The following TSPAN12 variants were observed in gnomAD, a reference collection of about 807,000 sequenced individuals.
TSPAN12 encodes the protein tetraspanin 12.
In TSPAN12, 19 loss-of-function variants were observed where a neutral mutation model predicts 39.2. That is an observed-to-expected ratio of 0.49 (90% CI 0.34 to 0.71). The LOEUF is 0.71. Among genes scored for constraint, TSPAN12 ranks in the 30% least tolerant of loss-of-function variants. TSPAN12 has a pLI of 0.01. For missense variants in TSPAN12, 314 were observed against 359.9 expected, an observed-to-expected ratio of 0.87 and a Z score of 1.03; for synonymous variants, 119 against 124.8, an observed-to-expected ratio of 0.95 and a Z score of 0.31.
intron 7 of TSPAN12, among the ~76,000 whole-genome samples, chr7:120,805,706 T>C (rs185761493): frequency 1.3e-5 from 2 of 152,222 alleles, no homozygotes; most frequent in East Asian, 3.9e-4. Context: ...TACATCTGCA[T>C]TGTCCAGGAC....
chr7:120,833,743 T>G (rs1794429466), intron 4 of TSPAN12, among the ~76,000 whole-genome samples: 1 of 152,178 alleles, frequency 6.6e-6, no homozygotes, highest in African/African-American at 2.4e-5. Flanking sequence ...ATGGTGACAT[T>G]CAGCTGTTGT....
At chr7:120,831,931 T>C (rs1431066294) in intron 4 of TSPAN12, among the ~76,000 whole-genome samples, 1 of 152,056 alleles carries the variant, frequency 6.6e-6, no homozygotes, top group Non-Finnish European at 1.5e-5. Context: ...CCCATAAATA[T>C]ATACAATTAT....
intron 2 of TSPAN12, among the ~76,000 whole-genome samples, chr7:120,851,189 C>T (rs1431118382): frequency 6.6e-6 from 1 of 152,112 alleles, no homozygotes; most frequent in African/African-American, 2.4e-5. Context: ...TTCTACTTGC[C>T]AAGGATCTAA....
Position 120,857,856 on chromosome 7 carries a change from G to A in TSPAN12, c.-107C>T, listed in dbSNP as rs1219766623. 6.6e-6 allele frequency: 1 copy of A among 152,140 alleles called. No homozygotes were observed. Among genetic ancestry groups the A allele is most frequent in the African/African-American group, 2.4e-5 (1 of 41,390 alleles). 9.4% of individuals were successfully genotyped at this position (152,140 alleles called of 1,614,324 possible). A position where few individuals can be genotyped will look rare whatever the true frequency, so the allele number is the denominator to read the frequency against. The stretch of plus-strand genomic sequence containing the variant: ...GGCCCGGTGCCCCACGCCCGCCTGG[G>A]GATAGTCGGGGACGCACGGCGGGGG... On this transcript the variant is annotated 5_prime_UTR_variant, in exon 1 of 8. Coordinates refer to ENST00000222747, the MANE Select transcript of TSPAN12 (RefSeq NM_012338.4).
At chr7:120,814,044 G>A in intron 5 of TSPAN12, 1 of 342,770 alleles carries the variant, frequency 2.9e-6, no homozygotes, top group Non-Finnish European at 5.7e-6. Flanking sequence ...TGTCTTCACA[G>A]AGATACATAT....
intron 2 of TSPAN12, among the ~76,000 whole-genome samples, chr7:120,841,083 A>G (rs898855908): frequency 2.6e-5 from 4 of 152,216 alleles, no homozygotes; most frequent in Non-Finnish European, 5.9e-5. Flanking sequence ...GAACCACTGC[A>G]TTAAATGAAA....
chr7:120,857,915 C>G lies in TSPAN12; in HGVS notation c.-166G>C, dbSNP rs892165672. 4 of 152,144 alleles carry G rather than the reference C, an allele frequency of 2.6e-5. No individual in the cohort carries two copies. Among genetic ancestry groups the G allele is most frequent in the Admixed American group, 1.3e-4 (2 of 15,240 alleles). 9.4% of individuals were successfully genotyped at this position (152,144 alleles called of 1,614,324 possible). A position where few individuals can be genotyped will look rare whatever the true frequency, so the allele number is the denominator to read the frequency against. On this transcript the variant is annotated 5_prime_UTR_variant, in exon 1 of 8. Transcript: ENST00000222747. Reference sequence around the variant, plus strand: ...GGCAGGGAACTTCTTCGCGGAGAGCCGGAGGGCTGCATTGGCTTCAGCTGG... The same window carrying G: ...GGCAGGGAACTTCTTCGCGGAGAGCGGGAGGGCTGCATTGGCTTCAGCTGG...
At chr7:120,812,575 G>A (rs998598232) in intron 5 of TSPAN12, among the ~76,000 whole-genome samples, 3 of 152,002 alleles carry the variant, frequency 2.0e-5, no homozygotes, top group Admixed American at 6.6e-5. Flanking sequence ...GAAAATCTTC[G>A]TTTTTTTCTT....
At chr7:120,814,325 C>A in intron 5 of TSPAN12, 2 of 453,170 alleles carry the variant, frequency 4.4e-6, no homozygotes, top group Non-Finnish European at 8.9e-6. Context: ...CACCAGGGAA[C>A]TTGTCACAGA....
At chr7:120,855,043 T>A (rs1170613146) in intron 2 of TSPAN12, among the ~76,000 whole-genome samples, 2 of 152,256 alleles carry the variant, frequency 1.3e-5, no homozygotes, top group Non-Finnish European at 1.5e-5. Flanking sequence ...GGTGCTTTTA[T>A]GCAAATTTCA....
At chr7:120,799,048 GA>G (rs1345017540) in intron 7 of TSPAN12, among the ~76,000 whole-genome samples, 2 of 152,100 alleles carry the variant, frequency 1.3e-5, no homozygotes, top group African/African-American at 4.8e-5. Flanking sequence ...CTGATGTGGG[GA>G]ATCTGTTCTA....
At chr7:120,840,228 C>T in intron 2 of TSPAN12, 119 bp from the exon 3 acceptor site, 2 of 828,492 alleles carry the variant, frequency 2.4e-6, no homozygotes, top group Non-Finnish European at 4.1e-6. Flanking sequence ...CCATTTGCTG[C>T]ATCTTGAAAT....
intron 7 of TSPAN12, among the ~76,000 whole-genome samples, chr7:120,803,520 T>C (rs1458665654): frequency 6.6e-6 from 1 of 152,204 alleles, no homozygotes; most frequent in Non-Finnish European, 1.5e-5. Context: ...GCCATAAAAC[T>C]ACTAAATGAT....
intron 4 of TSPAN12, among the ~76,000 whole-genome samples, chr7:120,816,987 A>C (rs920237046): frequency 2.0e-5 from 3 of 152,300 alleles, no homozygotes; most frequent in South Asian, 4.1e-4. Context: ...TATTTCACCA[A>C]AGCAGATAAA....
rs745616697 is a variant in TSPAN12, at chr7:120,796,356, C to T, written c.613-7459G>A. Reference sequence around the variant, plus strand: ...ACATAACCAGAAAATACACACTTCACTGTCATTTCAAGCAAAACTAAGGAC... The same window carrying T: ...ACATAACCAGAAAATACACACTTCATTGTCATTTCAAGCAAAACTAAGGAC... On this transcript the variant is annotated intron_variant, in intron 7 of 7. Transcript: ENST00000222747. Among the ~76,000 whole-genome samples the T allele has an allele frequency of 2.6e-5, 4 of 152,206 alleles. No homozygotes were observed. The South Asian group carries it at 8.3e-4, about 31-fold the overall frequency.
At chr7:120,857,512 C>T (rs1050003385) in intron 1 of TSPAN12, among the ~76,000 whole-genome samples, 4 of 135,540 alleles carry the variant, frequency 3.0e-5, no homozygotes, top group African/African-American at 1.1e-4. Flanking sequence ...GGGCGGGGGG[C>T]GGGGGGCGCC....
chr7:120,821,844 G>A (rs1794193184), intron 4 of TSPAN12, among the ~76,000 whole-genome samples: 1 of 152,086 alleles, frequency 6.6e-6, no homozygotes, highest in Non-Finnish European at 1.5e-5. Flanking sequence ...ATCCTCCTGA[G>A]ACTATCAGTG....
chr7:120,826,413 G>A (rs1002809696), intron 4 of TSPAN12, among the ~76,000 whole-genome samples: 1 of 152,180 alleles, frequency 6.6e-6, no homozygotes, highest in Non-Finnish European at 1.5e-5. Context: ...GGTAAGCTAA[G>A]TCAGCTAAAG....
intron 2 of TSPAN12, among the ~76,000 whole-genome samples, chr7:120,853,493 T>TATATAC (rs10639551): frequency 0.11 from 15,333 of 145,594 alleles, 1,018 homozygotes; most frequent in Non-Finnish European, 0.14. Context: ...TATATATATA[T>TATATAC]ACACACACAT....
Sources: allele counts gnomAD v4.1 joint callset (sites outside exome capture counted in the v4.1 genomes callset), GRCh38; gene constraint gnomAD v4.1.1; transcripts MANE v1.5; gene names NCBI Gene and HGNC (gene_info 2026-07-23, HGNC 2026-07-21).